Variants in DLGAP2 observed in about 807,000 individuals in gnomAD.
The protein encoded by DLGAP2 is disks large-associated protein 2.
DLGAP2 carries 26 observed loss-of-function variants against 100.3 expected under a neutral mutation model. The ratio of observed to expected loss-of-function variants is 0.26; its 90% CI spans 0.19 to 0.36. The LOEUF (loss-of-function observed/expected upper bound fraction) is 0.36. Among genes scored for constraint, DLGAP2 ranks in the 10% least tolerant of loss-of-function variants. DLGAP2 has a pLI of 1.00. For missense variants in DLGAP2, 1,858 were observed against 1,453.2 expected, an observed-to-expected ratio of 1.28 and a Z score of -4.53; for synonymous variants, 886 against 630.1, an observed-to-expected ratio of 1.41 and a Z score of -6.08.
At chr8:1,590,896 C>G (rs1796270471) in intron 6 of DLGAP2, among the ~76,000 whole-genome samples, 1 of 152,210 alleles carries the variant, frequency 6.6e-6, no homozygotes, top group African/African-American at 2.4e-5. Flanking sequence ...ACTGGTGGAT[C>G]TCTATCCCTT....
chr8:752,203 G>T (rs1820809177), intron 1 of DLGAP2, among the ~76,000 whole-genome samples: 1 of 152,210 alleles, frequency 6.6e-6, no homozygotes, highest in Non-Finnish European at 1.5e-5. Flanking sequence ...TGTGAGGTCA[G>T]TGTGGGCTGA....
intron 2 of DLGAP2, among the ~76,000 whole-genome samples, chr8:1,085,977 T>A (rs1803961826): frequency 6.6e-6 from 1 of 152,228 alleles, no homozygotes; most frequent in African/African-American, 2.4e-5. Flanking sequence ...TTCTTTTACC[T>A]CCTTGGTTAA....
chr8:800,997 T>C (rs1796141119), intron 1 of DLGAP2, among the ~76,000 whole-genome samples: 1 of 151,896 alleles, frequency 6.6e-6, no homozygotes, highest in African/African-American at 2.4e-5. Context: ...GTCCACAGCC[T>C]GATACACCTT....
intron 2 of DLGAP2, among the ~76,000 whole-genome samples, chr8:1,221,154 C>G (rs535207946): frequency 2.0e-5 from 3 of 152,032 alleles, no homozygotes; most frequent in African/African-American, 4.8e-5. Flanking sequence ...CTTAGCTGAT[C>G]GTTATGTATA....
At chr8:1,100,738 C>A (rs1262129044) in intron 2 of DLGAP2, among the ~76,000 whole-genome samples, 1 of 152,304 alleles carries the variant, frequency 6.6e-6, no homozygotes, top group East Asian at 1.9e-4. Context: ...TCTCTTTCCA[C>A]GCATGATCTG....
intron 3 of DLGAP2, among the ~76,000 whole-genome samples, chr8:1,435,307 G>C (rs1797584407): frequency 6.6e-6 from 1 of 152,182 alleles, no homozygotes; most frequent in Non-Finnish European, 1.5e-5. Context: ...AAGCAGGCAA[G>C]GGCTTTATAA....
At chr8:1,537,278 T>C (rs906902081) in intron 4 of DLGAP2, among the ~76,000 whole-genome samples, 1 of 152,206 alleles carries the variant, frequency 6.6e-6, no homozygotes, top group Admixed American at 6.5e-5. Context: ...TAATCATGCA[T>C]GTGTGGTTAC....
intron 13 of DLGAP2, among the ~76,000 whole-genome samples, chr8:1,693,598 C>G (rs1441034668): frequency 6.6e-6 from 1 of 152,116 alleles, no homozygotes; most frequent in South Asian, 2.1e-4. Flanking sequence ...TTTTCACGTG[C>G]AAGGAGACAT....
intron 2 of DLGAP2, among the ~76,000 whole-genome samples, chr8:994,769 T>C (rs111920761): frequency 1.3e-5 from 2 of 152,298 alleles, no homozygotes; most frequent in African/African-American, 4.8e-5. Context: ...CCTGCTCCCT[T>C]GCTGGCAATG....
At chr8:1,660,034 C>CTG in intron 8 of DLGAP2, among the ~76,000 whole-genome samples, 1 of 152,198 alleles carries the variant, frequency 6.6e-6, no homozygotes, top group East Asian at 1.9e-4. Flanking sequence ...ATAAGGCAGG[C>CTG]CTGGTGGTGA....
chr8:1,411,889 C>A (rs185341426), intron 3 of DLGAP2, among the ~76,000 whole-genome samples: 136 of 152,328 alleles, frequency 8.9e-4, no homozygotes, highest in Middle Eastern at 3.4e-3. Context: ...CTCATCCAGG[C>A]CTTTGCAAGT....
chr8:1,118,549 G>GGCTGCTGCT (rs367619218), intron 2 of DLGAP2, among the ~76,000 whole-genome samples: 80 of 151,700 alleles, frequency 5.3e-4, no homozygotes, highest in African/African-American at 1.7e-3. Flanking sequence ...AAATGAATGG[G>GGCTGCTGCT]GCTGCTGCTG....
chr8:1,689,481 C>T (rs1311155517), intron 12 of DLGAP2, among the ~76,000 whole-genome samples: 3 of 152,228 alleles, frequency 2.0e-5, no homozygotes, highest in Non-Finnish European at 4.4e-5. Flanking sequence ...GCCCCCTTTT[C>T]CTACACCATT....
chr8:1,648,372 A>T (rs1378134917), intron 8 of DLGAP2, among the ~76,000 whole-genome samples: 3 of 152,218 alleles, frequency 2.0e-5, no homozygotes, highest in Non-Finnish European at 4.4e-5. Flanking sequence ...TATAACCGAC[A>T]TGTGCAAGAA....
intron 2 of DLGAP2, among the ~76,000 whole-genome samples, chr8:1,208,204 T>C (rs1161659312): frequency 3.9e-5 from 6 of 152,248 alleles, no homozygotes. Flanking sequence ...AGGTCTTAGC[T>C]GTAAGTCTTT....
intron 2 of DLGAP2, among the ~76,000 whole-genome samples, chr8:1,256,211 G>A (rs1447542575): frequency 8.1e-6 from 1 of 122,812 alleles, no homozygotes; most frequent in Non-Finnish European, 1.7e-5. Flanking sequence ...TCATGCCCGG[G>A]TGCTGTGTGT....
At chr8:1,419,757 G>T (rs1364203247) in intron 3 of DLGAP2, among the ~76,000 whole-genome samples, 1 of 152,132 alleles carries the variant, frequency 6.6e-6, no homozygotes, top group Non-Finnish European at 1.5e-5. Flanking sequence ...TATAATGTTG[G>T]TGAGAATATA....
intron 2 of DLGAP2, chr8:1,019,097 A>ACCATGCCAG (rs964584096): frequency 6.6e-6 from 1 of 152,198 alleles, no homozygotes; most frequent in Non-Finnish European, 1.5e-5. Flanking sequence ...CTGGTCATGC[A>ACCATGCCAG]CCATGCCAGC....
intron 6 of DLGAP2, among the ~76,000 whole-genome samples, chr8:1,568,752 A>G (rs1584936980): frequency 1.0e-4 from 11 of 108,726 alleles, no homozygotes; most frequent in Non-Finnish European, 7.3e-5. Context: ...CGTGGCCCCC[A>G]TGCCACTGTC....
Sources: gnomAD v4.1 joint callset for allele counts (sites outside exome capture counted in the v4.1 genomes callset) on GRCh38, gnomAD v4.1.1 for gene constraint, MANE v1.5 for transcripts, NCBI Gene and HGNC (gene_info 2026-07-23, HGNC 2026-07-21) for gene names.